The following IMMP2L variants were observed in gnomAD, a reference collection of about 807,000 sequenced individuals.
The protein encoded by IMMP2L is mitochondrial inner membrane protease subunit 2.
IMMP2L carries 18 observed loss-of-function variants against 19.3 expected under a neutral mutation model. The ratio of observed to expected loss-of-function variants is 0.93; its 90% CI spans 0.64 to 1.38. IMMP2L has a LOEUF of 1.38. Ranked by LOEUF, IMMP2L falls within the 40% of genes most tolerant of loss-of-function variation. The pLI, the probability that IMMP2L is intolerant of heterozygous loss-of-function variation, is 0.00. For missense variants in IMMP2L, 233 were observed against 218.2 expected, an observed-to-expected ratio of 1.07 and a Z score of -0.43; for synonymous variants, 76 against 73.0, an observed-to-expected ratio of 1.04 and a Z score of -0.21.
rs1233812214 is a variant in IMMP2L at position 110,760,526 on chromosome 7, T to C, written c.409-96805A>G. 6.6e-6 allele frequency among the ~76,000 whole-genome samples: 1 copy of C among 152,208 alleles called. No homozygotes were observed. The highest frequency in any genetic ancestry group is 1.9e-4 in the East Asian group (1 of 5,164). On this transcript the variant is annotated intron_variant, in intron 5 of 5. Transcript: ENST00000405709. The surrounding 1 kb of genome is among the most constrained non-coding windows in gnomAD (Gnocchi z 4.2). ...TCTATTACTCACTGCTTTCAGCTTATATAAAAGAGTTTTTGTTGTCCCCAA... is the reference window on the plus strand; with the variant it reads ...TCTATTACTCACTGCTTTCAGCTTACATAAAAGAGTTTTTGTTGTCCCCAA...
intron 3 of IMMP2L, among the ~76,000 whole-genome samples, chr7:111,118,652 T>C (rs1338848329): frequency 6.6e-6 from 1 of 152,062 alleles, no homozygotes; most frequent in Non-Finnish European, 1.5e-5. Flanking sequence ...TTGAAAACTA[T>C]AAAGCACTAA....
At chr7:110,901,691 C>T (rs886309814) in intron 4 of IMMP2L, among the ~76,000 whole-genome samples, 1 of 152,112 alleles carries the variant, frequency 6.6e-6, no homozygotes, top group African/African-American at 2.4e-5. Flanking sequence ...ACAGATATTG[C>T]ATATAAGTAA....
In IMMP2L at chr7:111,328,272, A is replaced by G. The variant is rs200987819; in HGVS notation, c.239+158966T>C. 1.4e-4 allele frequency among the ~76,000 whole-genome samples: 21 copies of G among 151,918 alleles called. No homozygotes were observed. In the East Asian group the frequency reaches 3.7e-3, roughly 27 times the overall value. On this transcript the variant is annotated intron_variant, in intron 3 of 5. Coordinates refer to ENST00000405709, the MANE Select transcript of IMMP2L (RefSeq NM_032549.4). ...TACAAAGGAATATTAAAGATGTTTC[A>G]AAAACTGATATAATTCAGGAAAAAT...
intron 3 of IMMP2L, among the ~76,000 whole-genome samples, chr7:111,307,415 T>C (rs139119974): frequency 9.5e-4 from 144 of 151,944 alleles, no homozygotes; most frequent in African/African-American, 3.3e-3. Flanking sequence ...GTCCTGATCT[T>C]TGCACTAAAC....
intron 5 of IMMP2L, among the ~76,000 whole-genome samples, chr7:110,739,866 T>C (rs1330488295): frequency 6.6e-6 from 1 of 152,108 alleles, no homozygotes; most frequent in Non-Finnish European, 1.5e-5. Flanking sequence ...AAGTACTCTC[T>C]GAGACCACAG....
chr7:110,809,667 A>C (rs946786666), intron 5 of IMMP2L, among the ~76,000 whole-genome samples: 1 of 152,054 alleles, frequency 6.6e-6, no homozygotes, highest in African/African-American at 2.4e-5. Context: ...GTTTTCTCAA[A>C]TCTCCTAGAA....
At chr7:111,529,275 C>T (rs908356778) in intron 1 of IMMP2L, among the ~76,000 whole-genome samples, 1 of 152,092 alleles carries the variant, frequency 6.6e-6, no homozygotes, top group Non-Finnish European at 1.5e-5. Flanking sequence ...TGTGAAAAAT[C>T]AGGAGACATT....
chr7:111,141,250 A>C (rs1802851794), intron 3 of IMMP2L, among the ~76,000 whole-genome samples: 1 of 151,906 alleles, frequency 6.6e-6, no homozygotes. Flanking sequence ...TCTTTGATAC[A>C]ATTTAATTCC....
At chr7:110,756,825 C>T (rs1156888441) in intron 5 of IMMP2L, among the ~76,000 whole-genome samples, 1 of 152,060 alleles carries the variant, frequency 6.6e-6, no homozygotes, top group Admixed American at 6.6e-5. Context: ...CTGGCTTGCA[C>T]TTAGCTTTCA....
chr7:111,544,628 T>C (rs1351638802), intron 1 of IMMP2L, among the ~76,000 whole-genome samples: 1 of 152,168 alleles, frequency 6.6e-6, no homozygotes, highest in Non-Finnish European at 1.5e-5. Flanking sequence ...ATTCTAGACA[T>C]GTTCTATTCC....
intron 3 of IMMP2L, among the ~76,000 whole-genome samples, chr7:111,335,414 GAGGAAATATCTAC>G (rs1826299510): frequency 1.3e-5 from 2 of 152,100 alleles, no homozygotes; most frequent in African/African-American, 4.8e-5. Context: ...AATGGACAGG[GAGGAAATATCTAC>G]AGCACAAAGA....
chr7:110,805,068 G>A (rs1410343250), intron 5 of IMMP2L, among the ~76,000 whole-genome samples: 2 of 152,066 alleles, frequency 1.3e-5, no homozygotes, highest in East Asian at 3.9e-4. Context: ...TACCATAGAT[G>A]CTACATTGAA....
At chr7:110,957,307 G>A (rs562810328) in intron 4 of IMMP2L, among the ~76,000 whole-genome samples, 103 of 151,924 alleles carry the variant, frequency 6.8e-4, no homozygotes, top group African/African-American at 2.4e-3. Flanking sequence ...TATAAATAAC[G>A]TAACGTAATA....
intron 3 of IMMP2L, among the ~76,000 whole-genome samples, chr7:111,302,276 A>G (rs954573904): frequency 6.6e-6 from 1 of 152,102 alleles, no homozygotes; most frequent in East Asian, 1.9e-4. Context: ...AGTTAGCACT[A>G]CCTGAAAATT....
chr7:111,191,754 A>T (rs772037749), intron 3 of IMMP2L, among the ~76,000 whole-genome samples: 1 of 152,004 alleles, frequency 6.6e-6, no homozygotes, highest in East Asian at 1.9e-4. Context: ...ACAAGAAAAC[A>T]TTTTTTTAAA....
intron 3 of IMMP2L, among the ~76,000 whole-genome samples, chr7:111,200,422 C>G (rs1416868965): frequency 6.6e-6 from 1 of 151,938 alleles, no homozygotes; most frequent in African/African-American, 2.4e-5. Context: ...TTATTTACAC[C>G]ATCAAAGTTT....
intron 5 of IMMP2L, among the ~76,000 whole-genome samples, chr7:110,886,319 G>A (rs799634): frequency 0.013 from 2,040 of 152,064 alleles, 39 homozygotes; most frequent in African/African-American, 0.046. Flanking sequence ...CTTCCAATTT[G>A]GAATAAGGTA....
intron 3 of IMMP2L, among the ~76,000 whole-genome samples, chr7:111,417,281 C>T (rs1175131975): frequency 6.6e-6 from 1 of 151,734 alleles, no homozygotes; most frequent in Non-Finnish European, 1.5e-5. Flanking sequence ...ATATCTTTCT[C>T]CACTTCCTCT....
chr7:111,022,273 G>A (rs753309943), intron 3 of IMMP2L, among the ~76,000 whole-genome samples: 2 of 152,126 alleles, frequency 1.3e-5, no homozygotes, highest in Admixed American at 1.3e-4. Flanking sequence ...GTGAATGCAG[G>A]CTGGGCATAG....
Sources: gnomAD v4.1 joint callset for allele counts (sites outside exome capture counted in the v4.1 genomes callset) on GRCh38, gnomAD v4.1.1 for gene constraint, Gnocchi (gnomAD v3.1) non-coding constraint, MANE v1.5 for transcripts, NCBI Gene and HGNC (gene_info 2026-07-23, HGNC 2026-07-21) for gene names.